The following NUAK1 variants were observed in gnomAD, a reference collection of about 807,000 sequenced individuals.
NUAK1 encodes the protein NUAK family kinase 1, also known as NUAK family SNF1-like kinase 1.
NUAK1 carries 26 observed loss-of-function variants against 56.9 expected under a neutral mutation model. The ratio of observed to expected loss-of-function variants is 0.46; its 90% CI spans 0.33 to 0.63. The LOEUF is 0.63. NUAK1 is among the 30% of genes least tolerant of loss of function. The pLI is 0.02. For missense variants in NUAK1, 727 were observed against 876.1 expected, an observed-to-expected ratio of 0.83 and a Z score of 2.15; for synonymous variants, 337 against 336.0, an observed-to-expected ratio of 1.00 and a Z score of -0.03.
chr12:106,106,264 A>G lies in NUAK1; in HGVS notation c.361+141T>C. The G allele has an allele frequency of 4.3e-6, 3 of 700,084 alleles. No homozygotes were observed. The South Asian group carries it at 6.4e-5, about 15-fold the overall frequency. The allele number at this position is 700,084 out of a possible 1,614,324, so 43.4% of individuals were successfully genotyped here. A position where few individuals can be genotyped will look rare whatever the true frequency, so the allele number is the denominator to read the frequency against. ...TGTGTTCAAGGTAACCAAGTAAGAG[A>G]TAACACCCGACTATTTTTGCATCAT... On this transcript the variant is annotated intron_variant, in intron 2 of 6. Transcript: ENST00000261402.
At chr12:106,107,559 G>C (rs978349877) in intron 1 of NUAK1, among the ~76,000 whole-genome samples, 3 of 152,136 alleles carry the variant, frequency 2.0e-5, no homozygotes, top group Admixed American at 1.3e-4. Context: ...CTTTCCTAGG[G>C]GAAAGGCAGC....
chr12:106,087,112 T>C (rs777934971), intron 2 of NUAK1, among the ~76,000 whole-genome samples: 3 of 152,216 alleles, frequency 2.0e-5, no homozygotes, highest in Non-Finnish European at 4.4e-5. Flanking sequence ...GCCTTTGTCA[T>C]GCTAAGGGAA....
At chr12:106,121,664 C>G (rs1348022123) in intron 1 of NUAK1, among the ~76,000 whole-genome samples, 3 of 152,054 alleles carry the variant, frequency 2.0e-5, no homozygotes, top group African/African-American at 7.2e-5. Flanking sequence ...GCACTGGAAG[C>G]ACTTGAACTC....
At chr12:106,069,924 G>A (rs2032387282) in intron 6 of NUAK1, among the ~76,000 whole-genome samples, 1 of 152,156 alleles carries the variant, frequency 6.6e-6, no homozygotes, top group Non-Finnish European at 1.5e-5. Flanking sequence ...TCCCCATCAA[G>A]AGATGAAGCT....
In NUAK1 at chr12:106,067,657, A is replaced by G; in HGVS notation, c.1131T>C (p.Phe377=). 6.2e-7 allele frequency: 1 copy of G among 1,614,222 alleles called. No homozygotes were observed. Among genetic ancestry groups the G allele is most frequent in the Non-Finnish European group, 8.5e-7 (1 of 1,180,032 alleles). Reference sequence around the variant, plus strand: ...GCACTGCATCCTGACCAGACTGAGCAAAGTCATTCTCTTTCTTGGATTTCT... The same window carrying G: ...GCACTGCATCCTGACCAGACTGAGCGAAGTCATTCTCTTTCTTGGATTTCT... ...SLKKSKKEND[F]AQSGQDAVPE... The change falls in exon 7 of 7, where the codon TTT becomes TTC. Residue 377 remains phenylalanine, a synonymous_variant. Coordinates refer to ENST00000261402, the MANE Select transcript of NUAK1 (RefSeq NM_014840.3). The surrounding 1 kb of genome is among the most constrained non-coding windows in gnomAD (Gnocchi z 6.0).
rs1377933674 is a variant in NUAK1, at chr12:106,066,871, G to A, written c.1917C>T (p.Leu639=). 2.5e-6 allele frequency: 4 copies of A among 1,614,246 alleles called. No homozygotes were observed. In the South Asian group the frequency reaches 3.3e-5, roughly 13 times the overall value. The change falls in exon 7 of 7, where the codon CTC becomes CTT. Residue 639 remains leucine (L), a synonymous_variant. Transcript: ENST00000261402. ...GAGTCACATCATCCATGTCTGTGAG[G>A]AGGGAGAAGCTGCTGTCTGCCAGCC... is the stretch of plus-strand genomic sequence containing the variant. The part of the protein sequence containing the change: ...RNRLADSSFS[L]LTDMDDVTQV...
At chr12:106,087,477 T>A (rs2032585817) in intron 2 of NUAK1, among the ~76,000 whole-genome samples, 1 of 152,206 alleles carries the variant, frequency 6.6e-6, no homozygotes, top group African/African-American at 2.4e-5. Flanking sequence ...AAAAGGGGGT[T>A]GTCCTGTTTC....
At position 106,066,832 on chromosome 12, in the gene NUAK1, T is replaced by G. The variant is rs1242563447; in HGVS notation, c.1956A>C (p.Gln652His). Residue 652 changes from glutamine to histidine, a missense_variant, in exon 7 of 7, where the codon CAA becomes CAC. Transcript: ENST00000261402. Reference sequence around the variant, plus strand: ...TGAGCTTGCTGCAGATCTCCAGCGCTTGCTTGTAGACCTGAGTCACATCAT... The same window carrying G: ...TGAGCTTGCTGCAGATCTCCAGCGCGTGCTTGTAGACCTGAGTCACATCAT... ...DMDDVTQVYK[Q>H]ALEICSKLN is the part of the protein sequence containing the mutation. 2.5e-6 allele frequency: 4 copies of G among 1,612,950 alleles called. No individual in the cohort carries two copies. The highest frequency in any genetic ancestry group is 2.5e-6 in the Non-Finnish European group (3 of 1,179,050).
At chr12:106,088,960 G>A (rs2032604750) in intron 2 of NUAK1, among the ~76,000 whole-genome samples, 1 of 152,192 alleles carries the variant, frequency 6.6e-6, no homozygotes, top group Admixed American at 6.5e-5. Flanking sequence ...GGGTAGGGAG[G>A]AGGAGGAGGA....
chr12:106,124,687 T>C (rs1303889677), intron 1 of NUAK1, among the ~76,000 whole-genome samples: 1 of 152,102 alleles, frequency 6.6e-6, no homozygotes, highest in African/African-American at 2.4e-5. Flanking sequence ...TCCAGAGTGG[T>C]ATCTCACACA....
chr12:106,085,275 T>C lies in NUAK1; in HGVS notation c.514-1346A>G, dbSNP rs1315235894. ...CAAAAATATCACCTCTGTGGTGATT[T>C]ACAATGATACCTCATGATGAAATAC... On this transcript the variant is annotated intron_variant, in intron 3 of 6. Transcript: ENST00000261402. Among the ~76,000 whole-genome samples the C allele has an allele frequency of 2.6e-5, 4 of 152,390 alleles. No homozygotes were observed. In the East Asian group the frequency reaches 7.7e-4, roughly 29 times the overall value.
chr12:106,131,236 G>A (rs2033075482), intron 1 of NUAK1, among the ~76,000 whole-genome samples: 1 of 151,896 alleles, frequency 6.6e-6, no homozygotes, highest in South Asian at 2.1e-4. Flanking sequence ...CATTTAAAGT[G>A]CACAATTCAG....
intron 3 of NUAK1, among the ~76,000 whole-genome samples, chr12:106,085,048 T>G (rs892270): frequency 0.58 from 88,397 of 152,128 alleles, 27,930 homozygotes; most frequent in East Asian, 0.94. Flanking sequence ...AAGCCTGCAA[T>G]GAGGTCTTCT....
chr12:106,080,115 A>G (rs1474696457), intron 4 of NUAK1, among the ~76,000 whole-genome samples: 2 of 152,254 alleles, frequency 1.3e-5, no homozygotes, highest in Non-Finnish European at 2.9e-5. Context: ...ATCAAAGCCC[A>G]GAGGCTGACT....
intron 4 of NUAK1, among the ~76,000 whole-genome samples, chr12:106,073,648 T>C (rs2032430044): frequency 6.6e-6 from 1 of 152,022 alleles, no homozygotes; most frequent in Non-Finnish European, 1.5e-5. Context: ...AAAAACCCCG[T>C]CTCTACTAAA....
In NUAK1 at chr12:106,138,079, A is replaced by T. The variant is rs12296698; in HGVS notation, c.240+335T>A. On this transcript the variant is annotated intron_variant, in intron 1 of 6. Transcript: ENST00000261402. This position sits in a 1 kb window ranked among gnomAD's most constrained non-coding sequence, Gnocchi z 5.0. The stretch of plus-strand genomic sequence containing the variant: ...GACGTTTCGGGGCATGGTCTAAATG[A>T]GTGCCTGCGAGGGAGAGAGACCCCG... Among the ~76,000 whole-genome samples the T allele has an allele frequency of 0.22, 33,860 of 152,178 alleles. 5,167 individuals are homozygous for T. Among genetic ancestry groups the T allele is most frequent in the African/African-American group, 0.43 (17,971 of 41,490 alleles).
chr12:106,084,779 G>A (rs11112856), intron 3 of NUAK1, among the ~76,000 whole-genome samples: 14,635 of 144,054 alleles, frequency 0.1, 931 homozygotes, highest in Non-Finnish European at 0.15. Flanking sequence ...GTGGGCATGG[G>A]AAGAGCAGTG....
intron 2 of NUAK1, among the ~76,000 whole-genome samples, chr12:106,091,446 T>C (rs1480115238): frequency 6.6e-6 from 1 of 152,102 alleles, no homozygotes; most frequent in African/African-American, 2.4e-5. Context: ...GCACTGGGGA[T>C]ACCGAAAGAA....
intron 1 of NUAK1, among the ~76,000 whole-genome samples, chr12:106,132,145 C>T (rs771906299): frequency 2.0e-5 from 3 of 152,240 alleles, no homozygotes; most frequent in Non-Finnish European, 2.9e-5. Flanking sequence ...CTAACAAATG[C>T]ATGTGCAAAC....
Sources: gnomAD v4.1 joint callset for allele counts (sites outside exome capture counted in the v4.1 genomes callset) on GRCh38, gnomAD v4.1.1 for gene constraint, Gnocchi (gnomAD v3.1) non-coding constraint, MANE v1.5 for transcripts, NCBI Gene and HGNC (gene_info 2026-07-23, HGNC 2026-07-21) for gene names.